Variants in PRKCD observed in about 807,000 individuals in gnomAD.
PRKCD encodes the protein protein kinase C delta, also known as protein kinase C delta type.
Under a neutral mutation model 82.2 loss-of-function variants are expected in PRKCD, and 20 were observed. The observed-to-expected ratio is 0.24, with a 90% CI of 0.17 to 0.35. The LOEUF is 0.35. PRKCD is among the 10% of genes least tolerant of loss of function. The probability of loss-of-function intolerance (pLI) is 1.00; values close to 1 mark genes in which losing one functional copy is unlikely to be tolerated. For missense variants in PRKCD, 607 were observed against 899.0 expected (o/e 0.68, Z 4.15); for synonymous variants, 317 against 337.0 (o/e 0.94, Z 0.65).
intron 2 of PRKCD, among the ~76,000 whole-genome samples, chr3:53,172,910 G>A (rs1242123039): frequency 3.9e-5 from 6 of 152,186 alleles, no homozygotes; most frequent in Non-Finnish European, 8.8e-5. Context: ...TGAACACCAG[G>A]GAAGGGGTGG....
chr3:53,183,336 C>G, intron 8 of PRKCD, 116 bp from the exon 9 acceptor site: 1 of 1,568,396 alleles, frequency 6.4e-7, no homozygotes, highest in Non-Finnish European at 8.7e-7. Context: ...TTCCTTGCCT[C>G]TCCCAGTGGA....
chr3:53,183,974 A>AT (rs1553668378), intron 9 of PRKCD, among the ~76,000 whole-genome samples: 2 of 152,246 alleles, frequency 1.3e-5, no homozygotes, highest in Non-Finnish European at 1.5e-5. Flanking sequence ...GCTTAAGTTG[A>AT]CCAGATGTTC....
rs112498284 is a variant in PRKCD, at chr3:53,185,385, C to G, written c.889-219C>G. Among the ~76,000 whole-genome samples, 1,189 of 152,350 alleles carry G rather than the reference C, an allele frequency of 7.8e-3. 11 individuals are homozygous for G. Among genetic ancestry groups the G allele is most frequent in the African/African-American group, 0.027 (1,117 of 41,568 alleles). ...GGAAGGTAGGGTTCCGTTTACAAAA[C>G]TTCTGTTTGTAATCAGAGCCTTTCA... On this transcript the variant is annotated intron_variant, in intron 10 of 18. Coordinates refer to ENST00000330452, the MANE Select transcript of PRKCD (RefSeq NM_006254.4).
intron 2 of PRKCD, 63 bp from the exon 3 acceptor site, chr3:53,178,341 C>G: frequency 1.8e-6 from 2 of 1,094,974 alleles, no homozygotes; most frequent in Non-Finnish European, 2.7e-6. Flanking sequence ...TCCCTGAGTG[C>G]TGCCCGTGAC....
In PRKCD at chr3:53,189,912, G is replaced by T; in HGVS notation, c.1783G>T (p.Gly595Ter). The T allele has an allele frequency of 6.2e-7, 1 of 1,614,174 alleles. No homozygotes were observed. The highest frequency in any genetic ancestry group is 8.5e-7 in the Non-Finnish European group (1 of 1,180,024). ...REPTKRLGVT[G>*]NIKIHPFFKT... ...ACCAACCAAGAGGCTGGGAGTGACC[G>T]GAAACATCAAAATCCACCCCTTCTT... The change falls in exon 18 of 19, where the codon GGA becomes TGA. Residue 595 changes from glycine to a stop codon, truncating the protein, a stop_gained. Coordinates refer to ENST00000330452, the MANE Select transcript of PRKCD (RefSeq NM_006254.4). LOFTEE classifies it high-confidence loss of function.
chr3:53,178,360 C>A, intron 2 of PRKCD, 44 bp from the exon 3 acceptor site: 2 of 1,386,400 alleles, frequency 1.4e-6, no homozygotes, highest in South Asian at 1.2e-5. Context: ...ACTGTTCCCG[C>A]TGGTCCCGCC....
intron 9 of PRKCD, 36 bp downstream of exon 9, chr3:53,183,617 C>G: frequency 6.2e-7 from 1 of 1,609,252 alleles, no homozygotes; most frequent in South Asian, 1.1e-5. Context: ...GCAGGAGGGG[C>G]ACTCCCAGCT....
In PRKCD at chr3:53,188,730, C is replaced by T; in HGVS notation, c.1426C>T (p.Leu476=). Residue 476 remains leucine (L), a synonymous_variant, in exon 16 of 19, where the codon CTG becomes TTG. Coordinates refer to ENST00000330452, the MANE Select transcript of PRKCD (RefSeq NM_006254.4). ...SKGIIYRDLK[L]DNVLLDRDGH... The stretch of plus-strand genomic sequence containing the variant: ...GTCCCCTGTCCTTAGGGACCTCAAA[C>T]TGGACAATGTGCTGCTGGACCGGGA... 1.2e-6 allele frequency: 2 copies of T among 1,614,238 alleles called. No homozygotes were observed.
At chr3:53,167,972 A>G (rs782622855) in intron 2 of PRKCD, among the ~76,000 whole-genome samples, 11 of 151,626 alleles carry the variant, frequency 7.3e-5, no homozygotes, top group Non-Finnish European at 1.5e-4. Flanking sequence ...TCTCCCCCTC[A>G]CTCCCTTTCA....
intron 1 of PRKCD, among the ~76,000 whole-genome samples, chr3:53,163,313 C>T (rs1217175083): frequency 6.7e-6 from 1 of 149,854 alleles, no homozygotes; most frequent in Non-Finnish European, 1.5e-5. Flanking sequence ...GTGTTAGCGG[C>T]AGGAGGGGGT....
chr3:53,191,738 G>A (rs1269422070), intron 18 of PRKCD, among the ~76,000 whole-genome samples: 1 of 152,228 alleles, frequency 6.6e-6, no homozygotes, highest in African/African-American at 2.4e-5. Flanking sequence ...TAATTTTCAT[G>A]TCATGAAATA....
At chr3:53,187,635 T>C (rs1703758078) in intron 15 of PRKCD, among the ~76,000 whole-genome samples, 1 of 152,150 alleles carries the variant, frequency 6.6e-6, no homozygotes. Context: ...TTTGACACCA[T>C]CGCCCCACCC....
intron 2 of PRKCD, among the ~76,000 whole-genome samples, chr3:53,172,554 C>G (rs1296312165): frequency 1.3e-5 from 2 of 152,190 alleles, no homozygotes; most frequent in Non-Finnish European, 2.9e-5. Context: ...CTTAGGAGGG[C>G]CCTCACTTTG....
chr3:53,187,408 G>T lies in PRKCD; in HGVS notation c.1415+6G>T. 1 of 1,613,938 alleles carries T rather than the reference G, an allele frequency of 6.2e-7. No homozygotes were observed. Among genetic ancestry groups the T allele is most frequent in the Non-Finnish European group, 8.5e-7 (1 of 1,179,836 alleles). On this transcript the variant is annotated splice_donor_region_variant and intron_variant, in intron 15 of 18. Coordinates refer to ENST00000330452, the MANE Select transcript of PRKCD (RefSeq NM_006254.4). ...AGCAAGGGCATCATTTACAGGTGCG[G>T]GGGTGAGGGCAGCGGGGGCTCTTGG... is the stretch of plus-strand genomic sequence containing the variant.
rs1703302663 is a variant in PRKCD at position 53,178,549 on chromosome 3, G to T, written c.115+12G>T. 1 of 1,608,466 alleles carries T rather than the reference G, an allele frequency of 6.2e-7. No homozygotes were observed. The highest frequency in any genetic ancestry group is 1.1e-5 in the South Asian group (1 of 90,624). ...GGCGCTCAGCACAGGTAGGCCTGGA[G>T]GCTGGACCCTGGAGAGGGGCTGGGA... On this transcript the variant is annotated intron_variant, in intron 3 of 18. Transcript: ENST00000330452.
At chr3:53,170,295 C>T (rs1306751305) in intron 2 of PRKCD, among the ~76,000 whole-genome samples, 1 of 152,250 alleles carries the variant, frequency 6.6e-6, no homozygotes, top group South Asian at 2.1e-4. Context: ...CCCCACTTCC[C>T]CCTGGGTCTG....
chr3:53,188,887 T>C, intron 16 of PRKCD, 29 bp downstream of exon 16: 1 of 1,612,488 alleles, frequency 6.2e-7, no homozygotes. Flanking sequence ...AGCCCCCCGC[T>C]CAGTCAGGCA....
intron 18 of PRKCD, 132 bp downstream of exon 18, chr3:53,190,133 C>T (rs782625597): frequency 2.0e-4 from 270 of 1,322,116 alleles, no homozygotes; most frequent in Non-Finnish European, 2.0e-4. Context: ...CAGTCACAGC[C>T]GCTGCCCTTG....
intron 2 of PRKCD, among the ~76,000 whole-genome samples, chr3:53,171,540 T>G (rs540097208): frequency 1.3e-5 from 2 of 152,310 alleles, no homozygotes; most frequent in South Asian, 4.1e-4. Context: ...CCTACAGAGG[T>G]CTTACCATCC....
Sources: allele counts gnomAD v4.1 joint callset (sites outside exome capture counted in the v4.1 genomes callset), GRCh38; gene constraint gnomAD v4.1.1; transcripts MANE v1.5; gene names NCBI Gene and HGNC (gene_info 2026-07-23, HGNC 2026-07-21).